The following IQGAP2 variants were observed in gnomAD, a reference collection of about 807,000 sequenced individuals.
IQGAP2 encodes ras GTPase-activating-like protein IQGAP2.
Under a neutral mutation model 201.3 loss-of-function variants are expected in IQGAP2, and 173 were observed. The observed-to-expected ratio is 0.86, with a 90% CI of 0.76 to 0.98. The LOEUF (loss-of-function observed/expected upper bound fraction) is 0.98. IQGAP2 is among the 50% of genes least tolerant of loss of function. The pLI, the probability that IQGAP2 is intolerant of heterozygous loss-of-function variation, is 0.00. For missense variants in IQGAP2, 1,687 were observed against 1,864.8 expected, an observed-to-expected ratio of 0.90 and a Z score of 1.76; for synonymous variants, 675 against 673.9, an observed-to-expected ratio of 1.00 and a Z score of -0.03.
chr5:76,562,560 A>G lies in IQGAP2; in HGVS notation c.303+8A>G. On this transcript the variant is annotated splice_region_variant and intron_variant, in intron 3 of 35. Transcript: ENST00000274364. ...GAACAAACACGTTATAAGGTAACCAAGATCTAATTGGTTTTGGCTTCCAGC... is the reference window on the plus strand; with the variant it reads ...GAACAAACACGTTATAAGGTAACCAGGATCTAATTGGTTTTGGCTTCCAGC... 1 of 1,609,600 alleles carries G rather than the reference A, an allele frequency of 6.2e-7. No individual in the cohort carries two copies. The highest frequency in any genetic ancestry group is 8.5e-7 in the Non-Finnish European group (1 of 1,177,750).
At chr5:76,438,684 C>G (rs1221823663) in intron 1 of IQGAP2, among the ~76,000 whole-genome samples, 1 of 152,186 alleles carries the variant, frequency 6.6e-6, no homozygotes, top group African/African-American at 2.4e-5. Context: ...TTCAGGTGAT[C>G]TACCCACCTT....
intron 4 of IQGAP2, among the ~76,000 whole-genome samples, chr5:76,574,836 G>T (rs578238538): frequency 3.5e-4 from 53 of 152,302 alleles, no homozygotes; most frequent in African/African-American, 1.3e-3. Context: ...AATATTCATT[G>T]CAGTGGCTTA....
At chr5:76,621,128 A>G (rs1749625025) in intron 13 of IQGAP2, among the ~76,000 whole-genome samples, 1 of 152,194 alleles carries the variant, frequency 6.6e-6, no homozygotes. Context: ...TCCATATTGA[A>G]TACTTGAAGT....
rs75697429 is a variant in IQGAP2 at position 76,516,622 on chromosome 5, G to A, written c.147-45774G>A. Among the ~76,000 whole-genome samples, 1,460 of 152,124 alleles carry A rather than the reference G, an allele frequency of 9.6e-3. 31 individuals carry two copies. Among genetic ancestry groups the A allele is most frequent in the African/African-American group, 0.033 (1,369 of 41,484 alleles). ...ATGTGTTTGAGTATGTGCGTGTGTT[G>A]GGGGAGGGGGTTGCCGGAATACATG... On this transcript the variant is annotated intron_variant, in intron 2 of 35. Coordinates refer to ENST00000274364, the MANE Select transcript of IQGAP2 (RefSeq NM_006633.5).
chr5:76,560,980 A>G (rs893049653), intron 2 of IQGAP2, among the ~76,000 whole-genome samples: 5 of 152,228 alleles, frequency 3.3e-5, no homozygotes, highest in Admixed American at 2.0e-4. Flanking sequence ...AAACAGAACA[A>G]TTATAACAAT....
chr5:76,573,248 A>G (rs1745237186), intron 4 of IQGAP2, among the ~76,000 whole-genome samples: 1 of 152,224 alleles, frequency 6.6e-6, no homozygotes, highest in Admixed American at 6.5e-5. Flanking sequence ...GGGCCAAACA[A>G]GTGGTGTTAT....
chr5:76,570,524 G>C, intron 3 of IQGAP2, 56 bp from the exon 4 acceptor site: 2 of 1,170,290 alleles, frequency 1.7e-6, no homozygotes, highest in South Asian at 2.5e-5. Flanking sequence ...TATTGCAAAT[G>C]ACTCACTTTT....
At chr5:76,483,455 C>T (rs543918524) in intron 2 of IQGAP2, among the ~76,000 whole-genome samples, 1 of 152,270 alleles carries the variant, frequency 6.6e-6, no homozygotes, top group African/African-American at 2.4e-5. Flanking sequence ...AAATATAATT[C>T]GTATTGGAAC....
chr5:76,510,247 G>A (rs1430689901), intron 2 of IQGAP2, among the ~76,000 whole-genome samples: 4 of 152,076 alleles, frequency 2.6e-5, no homozygotes, highest in Admixed American at 6.6e-5. Flanking sequence ...TGATCCACCC[G>A]CCTCAGCCTC....
chr5:76,587,462 A>G (rs1272135424), intron 5 of IQGAP2, among the ~76,000 whole-genome samples: 1 of 152,262 alleles, frequency 6.6e-6, no homozygotes, highest in Non-Finnish European at 1.5e-5. Flanking sequence ...AGAAAATTAT[A>G]GTACATTCAT....
Position 76,668,732 on chromosome 5 carries a change from T to C in IQGAP2, c.2731T>C (p.Ser911Pro), listed in dbSNP as rs1466932310. 6.2e-7 allele frequency: 1 copy of C among 1,612,324 alleles called. No individual in the cohort carries two copies. Among genetic ancestry groups the C allele is most frequent in the Non-Finnish European group, 8.5e-7 (1 of 1,179,022 alleles). ...GATTTTCCAGATGCCACAGAACAAG[T>C]CCACTAAATTTATGGATACTGTTAT... Reference protein sequence around the residue: ...KLIFQMPQNKSTKFMDTVIFT... With the variant: ...KLIFQMPQNKPTKFMDTVIFT... Residue 911 changes from serine to proline, a missense_variant, in exon 23 of 36, where the codon TCC becomes CCC. Transcript: ENST00000274364.
intron 14 of IQGAP2, among the ~76,000 whole-genome samples, chr5:76,630,902 C>T (rs929179922): frequency 1.3e-5 from 2 of 152,120 alleles, no homozygotes; most frequent in Non-Finnish European, 2.9e-5. Context: ...ACTTTGACTC[C>T]AGGTTGTTGA....
intron 1 of IQGAP2, among the ~76,000 whole-genome samples, chr5:76,458,799 G>A (rs143772288): frequency 1.3e-5 from 2 of 152,164 alleles, no homozygotes; most frequent in Admixed American, 1.3e-4. Context: ...TACTCTTATT[G>A]AGTGTAAATA....
At chr5:76,595,270 T>TTTC (rs1561492899) in intron 9 of IQGAP2, among the ~76,000 whole-genome samples, 1 of 123,226 alleles carries the variant, frequency 8.1e-6, no homozygotes, top group African/African-American at 3.3e-5. Flanking sequence ...TTTTTTTTTT[T>TTTC]TCCGGACAGG....
At chr5:76,529,582 C>A (rs938719137) in intron 2 of IQGAP2, among the ~76,000 whole-genome samples, 1 of 151,072 alleles carries the variant, frequency 6.6e-6, no homozygotes, top group Middle Eastern at 3.5e-3. Context: ...GAGCCGAGAT[C>A]GCGCCACTGC....
intron 21 of IQGAP2, among the ~76,000 whole-genome samples, chr5:76,662,206 C>A (rs1036998876): frequency 2.4e-4 from 37 of 152,234 alleles, no homozygotes; most frequent in Admixed American, 9.2e-4. Flanking sequence ...GTGCCGGGCT[C>A]TGTCCTTGGA....
intron 21 of IQGAP2, among the ~76,000 whole-genome samples, chr5:76,662,532 G>A (rs906150786): frequency 2.6e-5 from 4 of 152,204 alleles, no homozygotes; most frequent in Admixed American, 6.5e-5. Flanking sequence ...GGAATTATAG[G>A]TAACAAGACT....
chr5:76,519,860 C>T (rs115055678), intron 2 of IQGAP2, among the ~76,000 whole-genome samples: 2 of 152,158 alleles, frequency 1.3e-5, no homozygotes, highest in Non-Finnish European at 2.9e-5. Flanking sequence ...ATCTGCTCAA[C>T]TCTTTTGCCC....
chr5:76,426,194 C>T (rs749004853), intron 1 of IQGAP2, among the ~76,000 whole-genome samples: 3 of 152,202 alleles, frequency 2.0e-5, no homozygotes, highest in Non-Finnish European at 2.9e-5. Flanking sequence ...TCTGCAAAAG[C>T]ATGCCAGGCC....
Sources: allele counts gnomAD v4.1 joint callset (sites outside exome capture counted in the v4.1 genomes callset), GRCh38; gene constraint gnomAD v4.1.1; transcripts MANE v1.5; gene names NCBI Gene and HGNC (gene_info 2026-07-23, HGNC 2026-07-21).